CFAP210: variants seen among roughly 807,000 people sequenced by gnomAD.
The protein encoded by CFAP210 is cilia and flagella associated protein 210.
At chr2:169,652,311 AAAAG>A in the CFAP210 span, among the ~76,000 whole-genome samples, 7 of 152,350 alleles carry the variant, frequency 4.6e-5, no homozygotes, top group African/African-American at 9.6e-5. Flanking sequence ...AAATGAGAAA[AAAAG>A]AAAGCCTTCA....
the CFAP210 span, chr2:169,654,181 C>T: frequency 6.3e-7 from 1 of 1,593,270 alleles, no homozygotes; most frequent in Non-Finnish European, 8.6e-7. Context: ...TGCTGTTCTA[C>T]AGCTTTGATA....
At chr2:169,691,846 A>G in the CFAP210 span, among the ~76,000 whole-genome samples, 1 of 152,168 alleles carries the variant, frequency 6.6e-6, no homozygotes. Flanking sequence ...TCTTTGTCAC[A>G]TGTGGCCACT....
chr2:169,650,494 T>G, the CFAP210 span: 1 of 1,577,610 alleles, frequency 6.3e-7, no homozygotes, highest in Non-Finnish European at 8.6e-7. Context: ...GGAAGTTATG[T>G]ATTCTTTCTC....
the CFAP210 span, chr2:169,662,172 A>G: frequency 3.3e-6 from 4 of 1,207,212 alleles, no homozygotes; most frequent in Admixed American, 9.5e-5. Flanking sequence ...TGCATGGGTC[A>G]AAATACCACA....
the CFAP210 span, chr2:169,694,240 G>C: frequency 1.9e-6 from 3 of 1,613,024 alleles, no homozygotes; most frequent in East Asian, 4.5e-5. Context: ...CCCTGTCCCT[G>C]GATAGGTCAG....
the CFAP210 span, among the ~76,000 whole-genome samples, chr2:169,693,930 A>G: frequency 6.6e-6 from 1 of 151,920 alleles, no homozygotes; most frequent in Non-Finnish European, 1.5e-5. Context: ...GAAATTTAAC[A>G]AAACCCAGAC....
At chr2:169,666,429 T>A in the CFAP210 span, among the ~76,000 whole-genome samples, 1 of 151,246 alleles carries the variant, frequency 6.6e-6, no homozygotes, top group Admixed American at 6.6e-5. Context: ...AAAATGAATA[T>A]CTCAATAAAG....
the CFAP210 span, among the ~76,000 whole-genome samples, chr2:169,652,282 G>T: frequency 8.5e-5 from 13 of 152,082 alleles, no homozygotes; most frequent in Non-Finnish European, 1.9e-4. Context: ...CCATGAGAAA[G>T]CTAGAAAATG....
chr2:169,684,415 A>C, the CFAP210 span, among the ~76,000 whole-genome samples: 14 of 152,202 alleles, frequency 9.2e-5, no homozygotes, highest in Non-Finnish European at 1.8e-4. Context: ...TATCTAATTC[A>C]GAACACTTTC....
At chr2:169,669,696 C>T in the CFAP210 span, among the ~76,000 whole-genome samples, 111 of 150,798 alleles carry the variant, frequency 7.4e-4, no homozygotes, top group Non-Finnish European at 1.2e-3. Flanking sequence ...AAAGATGCCG[C>T]TGGAGGAGGC....
At chr2:169,649,259 A>T in the CFAP210 span, 1 of 1,613,930 alleles carries the variant, frequency 6.2e-7, no homozygotes, top group Non-Finnish European at 8.5e-7. Context: ...TCATGTTCCC[A>T]GAAAATCTGA....
the CFAP210 span, among the ~76,000 whole-genome samples, chr2:169,665,877 C>A: frequency 5.8e-3 from 882 of 152,122 alleles, 12 homozygotes; most frequent in African/African-American, 0.02. Flanking sequence ...TTTTCTTGCT[C>A]CCACCAGCCT....
At chr2:169,688,079 G>A in the CFAP210 span, among the ~76,000 whole-genome samples, 1 of 152,182 alleles carries the variant, frequency 6.6e-6, no homozygotes, top group South Asian at 2.1e-4. Context: ...GGGACACAGG[G>A]CACCAAGTCT....
At chr2:169,669,921 C>T in the CFAP210 span, among the ~76,000 whole-genome samples, 1 of 152,098 alleles carries the variant, frequency 6.6e-6, no homozygotes, top group Non-Finnish European at 1.5e-5. Flanking sequence ...AAGGGATGGT[C>T]TAGACTAGAG....
the CFAP210 span, among the ~76,000 whole-genome samples, chr2:169,675,983 T>G: frequency 6.6e-6 from 1 of 152,238 alleles, no homozygotes; most frequent in Non-Finnish European, 1.5e-5. Flanking sequence ...TATTCTATTA[T>G]TTATGTTAAA....
the CFAP210 span, among the ~76,000 whole-genome samples, chr2:169,679,813 T>G: frequency 1.7e-4 from 26 of 152,086 alleles, no homozygotes; most frequent in South Asian, 5.4e-3. Context: ...TTTTAAAACT[T>G]CTAAAAGAAA....
At chr2:169,667,330 C>T in the CFAP210 span, among the ~76,000 whole-genome samples, 1 of 151,686 alleles carries the variant, frequency 6.6e-6, no homozygotes, top group Non-Finnish European at 1.5e-5. Context: ...GTACAGACAG[C>T]GTTTCACCAT....
At chr2:169,686,388 G>A in the CFAP210 span, among the ~76,000 whole-genome samples, 2 of 151,360 alleles carry the variant, frequency 1.3e-5, no homozygotes, top group African/African-American at 4.9e-5. Context: ...GATCAATTTG[G>A]GAAGTATTGC....
chr2:169,692,444 G>GCACACGCA, the CFAP210 span, among the ~76,000 whole-genome samples: 3 of 143,668 alleles, frequency 2.1e-5, no homozygotes, highest in Non-Finnish European at 3.0e-5. Context: ...ACAGGCGCAC[G>GCACACGCA]CACACACACA....
Sources: allele counts gnomAD v4.1 joint callset (sites outside exome capture counted in the v4.1 genomes callset), GRCh38; gene constraint gnomAD v4.1.1; transcripts MANE v1.5; gene names NCBI Gene and HGNC (gene_info 2026-07-23, HGNC 2026-07-21).